Variants in SLC25A21 observed in about 807,000 individuals in gnomAD.
SLC25A21 encodes the protein mitochondrial 2-oxodicarboxylate carrier.
SLC25A21 carries 47 observed loss-of-function variants against 43.8 expected under a neutral mutation model. That is an observed-to-expected ratio of 1.07 (90% confidence interval 0.85 to 1.37). The LOEUF (loss-of-function observed/expected upper bound fraction) is 1.37, where lower values mean the gene tolerates loss of function less well. Ranked by LOEUF, SLC25A21 falls within the 40% of genes most tolerant of loss-of-function variation. The probability of loss-of-function intolerance (pLI) is 0.00; values close to 1 mark genes in which losing one functional copy is unlikely to be tolerated. For synonymous variants in SLC25A21, 131 were observed against 121.3 expected (o/e 1.08, Z -0.52); for missense variants, 352 against 350.2 (o/e 1.00, Z -0.04).
intron 1 of SLC25A21, among the ~76,000 whole-genome samples, chr14:36,951,862 C>T (rs1892818935): frequency 6.6e-6 from 1 of 152,140 alleles, no homozygotes; most frequent in African/African-American, 2.4e-5. Context: ...TAGAGGACTC[C>T]TGCAATGACT....
chr14:37,154,242 C>A (rs1197137646), intron 1 of SLC25A21, among the ~76,000 whole-genome samples: 1 of 152,146 alleles, frequency 6.6e-6, no homozygotes, highest in East Asian at 1.9e-4. Context: ...TGCACCCCAA[C>A]CCACACAGAT....
chr14:36,880,110 T>C (rs1009708625), intron 1 of SLC25A21, among the ~76,000 whole-genome samples: 10 of 152,174 alleles, frequency 6.6e-5, no homozygotes, highest in Admixed American at 4.6e-4. Flanking sequence ...CTTCTTTTGC[T>C]GCTCAGCATC....
chr14:36,844,538 C>A (rs771219970), intron 2 of SLC25A21, among the ~76,000 whole-genome samples: 11 of 152,186 alleles, frequency 7.2e-5, no homozygotes, highest in Non-Finnish European at 1.3e-4. Flanking sequence ...GGCACTCAAT[C>A]ATTTCCATTT....
chr14:36,925,323 A>G (rs1431816455), intron 1 of SLC25A21, among the ~76,000 whole-genome samples: 1 of 152,200 alleles, frequency 6.6e-6, no homozygotes, highest in Non-Finnish European at 1.5e-5. Context: ...AACCCCAATT[A>G]TATGCTGTCT....
intron 1 of SLC25A21, among the ~76,000 whole-genome samples, chr14:37,106,912 C>T (rs574467746): frequency 2.0e-4 from 30 of 152,270 alleles, no homozygotes; most frequent in South Asian, 6.2e-4. Context: ...AAAGAACCTA[C>T]GTTGAAATAT....
intron 2 of SLC25A21, among the ~76,000 whole-genome samples, chr14:36,821,173 C>T (rs78779818): frequency 0.011 from 1,603 of 152,246 alleles, 20 homozygotes; most frequent in African/African-American, 0.036. Flanking sequence ...CCCTAGAAAG[C>T]ACATCTTCAG....
chr14:36,877,745 A>T (rs1246195122), intron 1 of SLC25A21, among the ~76,000 whole-genome samples: 1 of 43,962 alleles, frequency 2.3e-5, no homozygotes, highest in East Asian at 4.1e-4. Context: ...AGAAAAAAGA[A>T]GAAAAGAGGC....
intron 2 of SLC25A21, among the ~76,000 whole-genome samples, chr14:36,824,572 G>A (rs1231455034): frequency 6.6e-6 from 1 of 152,044 alleles, no homozygotes; most frequent in Non-Finnish European, 1.5e-5. Context: ...GTTTCCTTAT[G>A]TTTGTAGGAT....
intron 1 of SLC25A21, among the ~76,000 whole-genome samples, chr14:36,956,659 C>T (rs942387621): frequency 1.2e-4 from 18 of 152,108 alleles, no homozygotes. Flanking sequence ...ATACATGGAA[C>T]TTCAAACCAC....
At chr14:36,852,550 C>A (rs1244439292) in intron 2 of SLC25A21, among the ~76,000 whole-genome samples, 1 of 151,942 alleles carries the variant, frequency 6.6e-6, no homozygotes, top group Non-Finnish European at 1.5e-5. Context: ...TTTCAAGGAC[C>A]AGAAAGTAAT....
chr14:37,143,771 G>A (rs1963611679), intron 1 of SLC25A21, among the ~76,000 whole-genome samples: 1 of 152,174 alleles, frequency 6.6e-6, no homozygotes, highest in East Asian at 1.9e-4. Flanking sequence ...GACAGGGCCA[G>A]TTTATTCTGT....
chr14:36,689,058 G>A (rs888252726), intron 7 of SLC25A21, among the ~76,000 whole-genome samples: 2 of 152,186 alleles, frequency 1.3e-5, no homozygotes, highest in Non-Finnish European at 2.9e-5. Flanking sequence ...ACATACCTGA[G>A]ATTGGGCAAT....
chr14:36,729,390 G>T, intron 5 of SLC25A21, 117 bp downstream of exon 5: 1 of 785,136 alleles, frequency 1.3e-6, no homozygotes, highest in Non-Finnish European at 2.0e-6. Flanking sequence ...GCTGAACACT[G>T]AATAACTCGA....
Position 36,725,696 on chromosome 14 carries a change from TCAATACTTTAAAAC to T in SLC25A21, c.331-33_331-20del. The T allele has an allele frequency of 6.5e-7, 1 of 1,539,342 alleles. No homozygotes were observed. Among genetic ancestry groups the T allele is most frequent in the Non-Finnish European group, 8.9e-7 (1 of 1,127,538 alleles). ...CGAATGTCTAGAAAAATTAAATCAA[TCAATACTTTAAAAC>T]AAGTTATCATGTGTATGGGGTTAAA... On this transcript the variant is annotated intron_variant, in intron 5 of 9. Coordinates refer to ENST00000331299, the MANE Select transcript of SLC25A21 (RefSeq NM_030631.4).
At chr14:36,831,326 C>G (rs1352823925) in intron 2 of SLC25A21, among the ~76,000 whole-genome samples, 2 of 152,178 alleles carry the variant, frequency 1.3e-5, no homozygotes, top group Non-Finnish European at 2.9e-5. Context: ...TTTACTTAAT[C>G]ATTGCATCCT....
chr14:37,120,566 A>G (rs1438831918), intron 1 of SLC25A21, among the ~76,000 whole-genome samples: 1 of 152,116 alleles, frequency 6.6e-6, no homozygotes, highest in Non-Finnish European at 1.5e-5. Flanking sequence ...AGGATGGGAG[A>G]GACTACCCAT....
chr14:36,887,464 G>A (rs186253282), intron 1 of SLC25A21, among the ~76,000 whole-genome samples: 6 of 151,248 alleles, frequency 4.0e-5, no homozygotes, highest in South Asian at 2.1e-4. Flanking sequence ...TTGAGCAGCT[G>A]AAGCAGGAGA....
At chr14:36,959,763 C>T (rs185646072) in intron 1 of SLC25A21, among the ~76,000 whole-genome samples, 4 of 152,272 alleles carry the variant, frequency 2.6e-5, no homozygotes, top group Admixed American at 2.6e-4. Context: ...TGTTCCCATG[C>T]TTTTTTGTAA....
At chr14:36,726,903 G>A (rs1012691448) in intron 5 of SLC25A21, among the ~76,000 whole-genome samples, 2 of 152,158 alleles carry the variant, frequency 1.3e-5, no homozygotes, top group Admixed American at 1.3e-4. Context: ...AGGAGAGGAC[G>A]GAGGGAGAAA....
Sources: gnomAD v4.1 joint callset for allele counts (sites outside exome capture counted in the v4.1 genomes callset) on GRCh38, gnomAD v4.1.1 for gene constraint, MANE v1.5 for transcripts, NCBI Gene and HGNC (gene_info 2026-07-23, HGNC 2026-07-21) for gene names.